The following KDM6B variants were observed in gnomAD, a reference collection of about 807,000 sequenced individuals.
KDM6B encodes lysine-specific demethylase 6B.
In KDM6B, 22 loss-of-function variants were observed where a neutral mutation model predicts 150.4. That is an observed-to-expected ratio of 0.15 (90% CI 0.10 to 0.21). KDM6B has a LOEUF of 0.21. Among genes scored for constraint, KDM6B ranks in the 10% least tolerant of loss-of-function variants. KDM6B has a pLI of 1.00. For missense variants in KDM6B, 1,984 were observed against 2,234.3 expected (o/e 0.89, Z 2.26); for synonymous variants, 1,148 against 921.1 (o/e 1.25, Z -4.46).
rs1379194696 is a variant in KDM6B at position 7,851,157 on chromosome 17, C to T, written c.3810C>T (p.Ser1270=). 4 of 1,613,822 alleles carry T rather than the reference C, an allele frequency of 2.5e-6. No homozygotes were observed. The highest frequency in any genetic ancestry group is 2.2e-5 in the East Asian group (1 of 44,902). The change falls in exon 15 of 24, where the codon AGC becomes AGT. Residue 1270 remains serine (S), a synonymous_variant. Transcript: ENST00000448097. ...CTCGGCAGATCTGGCCTTGTGAGAG[C>T]TCCCGTTCCCACACCACCATTGCCA... ...TGTRQIWPCE[S]SRSHTTIAKY...
chr17:7,836,641 A>AGAC (rs2078337429), intron 1 of KDM6B, among the ~76,000 whole-genome samples: 1 of 152,236 alleles, frequency 6.6e-6, no homozygotes, highest in Non-Finnish European at 1.5e-5. Flanking sequence ...TTGGGAGGTC[A>AGAC]GGGCTGCAGG....
In KDM6B at chr17:7,852,511, G is replaced by A. The variant is rs1388169628; in HGVS notation, c.4485G>A (p.Leu1495=). 6.2e-7 allele frequency: 1 copy of A among 1,613,240 alleles called. No homozygotes were observed. The highest frequency in any genetic ancestry group is 1.1e-5 in the South Asian group (1 of 91,022). Residue 1495 remains leucine, a synonymous_variant, in exon 21 of 24, where the codon CTG becomes CTA. Transcript: ENST00000448097. ...GGCCCGCAGCCTATCAGTACCAGCT[G>A]GCCCTGGAACGATACGAGTGGAATG... The part of the protein sequence containing the change: ...VGPLTAYQYQ[L]ALERYEWNEV...
In KDM6B at chr17:7,845,670, G is replaced by C. The variant is rs544737445; in HGVS notation, c.116G>C (p.Ser39Thr). 66 of 1,614,120 alleles carry C rather than the reference G, an allele frequency of 4.1e-5. No homozygotes were observed. The South Asian group carries it at 6.9e-4, about 17-fold the overall frequency. ...SSCPPHPPPR[S>T]AWLPGGRCSA... ...TGCCCGCCTCATCCCCCTCCTCGTA[G>C]CGCATGGCTGCCTGGAGGCAGGTGA... Residue 39 changes from serine to threonine, a missense_variant, in exon 5 of 24, where the codon AGC becomes ACC. By Grantham distance (58) the Ser-to-Thr change is moderately conservative. Around this residue, in one of 13 missense-constraint regions of KDM6B, gnomAD observed 337 missense variants for 323.9 expected, o/e 1.04. Transcript: ENST00000448097.
rs1431195199 is a variant in KDM6B, at chr17:7,849,155, C to T, written c.2867C>T (p.Ala956Val). The change falls in exon 12 of 24, where the codon GCA (alanine) becomes GTA (valine). Residue 956 changes from alanine (A) to valine (V), a missense_variant. Ala to Val is a moderately conservative substitution (Grantham distance 64). Coordinates refer to ENST00000448097, the MANE Select transcript of KDM6B (RefSeq NM_001348716.2). The stretch of plus-strand genomic sequence containing the variant: ...GGGACTGAGCGACTGCTGCCCCCCG[C>T]ACAGGCCAAGGAGGAGGCTGGCGGG... ...DSGTERLLPP[A>V]QAKEEAGGVA... 1.9e-6 allele frequency: 3 copies of T among 1,611,582 alleles called. No individual in the cohort carries two copies. The highest frequency in any genetic ancestry group is 1.7e-5 in the Admixed American group (1 of 59,916).
At chr17:7,846,051 C>A (rs1168578973) in intron 6 of KDM6B, 27 bp from the exon 7 acceptor site, 2 of 1,360,000 alleles carry the variant, frequency 1.5e-6, no homozygotes, top group Non-Finnish European at 2.1e-6. Flanking sequence ...AACCCCCACC[C>A]ACACCCCCAC....
rs534448494 is a variant in KDM6B at position 7,852,991 on chromosome 17, G to T, written c.4611-9G>T. ...CCGGTGGTCTCAACACAACCCCACT[G>T]CTCCCCAGGTTCTGCCTGCTGCAGT... On this transcript the variant is annotated splice_polypyrimidine_tract_variant and intron_variant, in intron 21 of 23. Transcript: ENST00000448097. 2 of 1,613,674 alleles carry T rather than the reference G, an allele frequency of 1.2e-6. No individual in the cohort carries two copies. The highest frequency in any genetic ancestry group is 3.3e-5 in the Admixed American group (2 of 60,018).
chr17:7,845,672 G>A lies in KDM6B; in HGVS notation c.118G>A (p.Ala40Thr), dbSNP rs866351379. ...CCCGCCTCATCCCCCTCCTCGTAGC[G>A]CATGGCTGCCTGGAGGCAGGTGAGA... The part of the protein sequence containing the change: ...SCPPHPPPRS[A>T]WLPGGRCSAS... Residue 40 changes from alanine (A) to threonine (T), a missense_variant, in exon 5 of 24, where the codon GCA becomes ACA. Ala to Thr is a moderately conservative substitution (Grantham distance 58). This residue lies in a region of KDM6B where 337 missense variants were observed against 323.9 expected (regional missense o/e 1.04). Coordinates refer to ENST00000448097, the MANE Select transcript of KDM6B (RefSeq NM_001348716.2). 3.7e-6 allele frequency: 6 copies of A among 1,614,098 alleles called. No individual in the cohort carries two copies. Among genetic ancestry groups the A allele is most frequent in the Middle Eastern group, 1.6e-4 (1 of 6,062 alleles).
intron 9 of KDM6B, 21 bp downstream of exon 9, chr17:7,846,761 G>A: frequency 1.2e-6 from 2 of 1,613,984 alleles, no homozygotes; most frequent in Non-Finnish European, 1.7e-6. Flanking sequence ...AGGGGGGCCA[G>A]CAGGCAGTAA....
At position 7,848,139 on chromosome 17, in the gene KDM6B, T is replaced by C. The variant is rs546734185; in HGVS notation, c.1851T>C (p.Asn617=). 2.0e-5 allele frequency: 32 copies of C among 1,612,240 alleles called. No homozygotes were observed. In the South Asian group the frequency reaches 2.1e-4, roughly 11 times the overall value. Residue 617 remains asparagine, a synonymous_variant, in exon 12 of 24, where the codon AAT becomes AAC. Transcript: ENST00000448097. ...CCCCTCCTTCCTCCTGCCACCAAAATACCTCAGGAAGCTTCAGGCGCCCGG... is the reference window on the plus strand; with the variant it reads ...CCCCTCCTTCCTCCTGCCACCAAAACACCTCAGGAAGCTTCAGGCGCCCGG... ...PPAPPSSCHQ[N]TSGSFRRPES... is the part of the protein sequence containing the mutation.
In KDM6B at chr17:7,852,132, C is replaced by T. The variant is rs2078710428; in HGVS notation, c.4281-17C>T. The T allele has an allele frequency of 6.2e-7, 1 of 1,614,038 alleles. No individual in the cohort carries two copies. Among genetic ancestry groups the T allele is most frequent in the South Asian group, 1.1e-5 (1 of 91,090 alleles). Reference sequence around the variant, plus strand: ...CCTCGGTCCCCAGTTCCCACCTGACCTGTGGCCACCCCGCAGGCACGGCGT... The same window carrying T: ...CCTCGGTCCCCAGTTCCCACCTGACTTGTGGCCACCCCGCAGGCACGGCGT... On this transcript the variant is annotated splice_polypyrimidine_tract_variant and intron_variant, in intron 19 of 23. Transcript: ENST00000448097.
At position 7,845,551 on chromosome 17, in the gene KDM6B, C is replaced by T; in HGVS notation, c.-4C>T. 1 of 1,614,126 alleles carries T rather than the reference C, an allele frequency of 6.2e-7. No homozygotes were observed. Among genetic ancestry groups the T allele is most frequent in the Non-Finnish European group, 8.5e-7 (1 of 1,180,016 alleles). On this transcript the variant is annotated splice_region_variant and 5_prime_UTR_variant, in exon 5 of 24. Transcript: ENST00000448097. Reference sequence around the variant, plus strand: ...CATAATTTCTTATCCCCAACTCAGGCTGGATGCATCGGGCAGTGGACCCTC... The same window carrying T: ...CATAATTTCTTATCCCCAACTCAGGTTGGATGCATCGGGCAGTGGACCCTC...
intron 21 of KDM6B, 77 bp from the exon 22 acceptor site, chr17:7,852,923 C>T (rs1048271351): frequency 1.3e-6 from 2 of 1,598,806 alleles, no homozygotes; most frequent in Admixed American, 3.3e-5. Flanking sequence ...GGGCTGCCCA[C>T]CCCTCTGCCC....
chr17:7,837,336 G>A (rs2078347996), intron 1 of KDM6B, among the ~76,000 whole-genome samples: 1 of 152,060 alleles, frequency 6.6e-6, no homozygotes, highest in South Asian at 2.1e-4. Context: ...CCCCATAATG[G>A]CACACCCCCA....
rs1038822795 is a variant in KDM6B at position 7,854,265 on chromosome 17, T to C, written c.*744T>C. The stretch of plus-strand genomic sequence containing the variant: ...GCCCGCGGCTCCAGCCGGGTTCTCA[T>C]GGTGCTCAAACCCGCTCCCCTCCCC... On this transcript the variant is annotated 3_prime_UTR_variant, in exon 24 of 24. Transcript: ENST00000448097. The C allele has an allele frequency of 6.6e-6, 1 of 152,560 alleles. No homozygotes were observed. The highest frequency in any genetic ancestry group is 1.5e-5 in the Non-Finnish European group (1 of 68,058). 9.5% of individuals were successfully genotyped at this position (152,560 alleles called of 1,614,324 possible). A position where few individuals can be genotyped will look rare whatever the true frequency, so the allele number is the denominator to read the frequency against.
Position 7,854,275 on chromosome 17 carries a change from A to ACCCGCTCCCCTC in KDM6B, c.*758_*769dup, listed in dbSNP as rs1303785852. 7 of 149,948 alleles carry ACCCGCTCCCCTC rather than the reference A, an allele frequency of 4.7e-5. No homozygotes were observed. The highest frequency in any genetic ancestry group is 1.7e-4 in the African/African-American group (7 of 40,252). The allele number at this position is 149,948 out of a possible 1,614,324, so 9.3% of individuals were successfully genotyped here. A position where few individuals can be genotyped will look rare whatever the true frequency, so the allele number is the denominator to read the frequency against. ...CCAGCCGGGTTCTCATGGTGCTCAAACCCGCTCCCCTCCCCTACGTCCTGC... is the reference window on the plus strand; with the variant it reads ...CCAGCCGGGTTCTCATGGTGCTCAAACCCGCTCCCCTCCCCGCTCCCCTCCCCTACGTCCTGC... On this transcript the variant is annotated 3_prime_UTR_variant, in exon 24 of 24. Coordinates refer to ENST00000448097, the MANE Select transcript of KDM6B (RefSeq NM_001348716.2).
chr17:7,845,652 C>T lies in KDM6B; in HGVS notation c.98C>T (p.Pro33Leu). The T allele has an allele frequency of 6.2e-7, 1 of 1,614,130 alleles. No homozygotes were observed. Residue 33 changes from proline (P) to leucine (L), a missense_variant, in exon 5 of 24, where the codon CCT (proline) becomes CTT (leucine). Pro to Leu is a moderately conservative substitution (Grantham distance 98). This residue lies in a region of KDM6B where 337 missense variants were observed against 323.9 expected (regional missense o/e 1.04). Coordinates refer to ENST00000448097, the MANE Select transcript of KDM6B (RefSeq NM_001348716.2). ...GCTGGGGCCTGGAGCTCCTGCCCGC[C>T]TCATCCCCCTCCTCGTAGCGCATGG... ...SCAGAWSSCP[P>L]HPPPRSAWLP...
At chr17:7,851,290 A>G (rs570013629) in intron 15 of KDM6B, 40 bp from the exon 16 acceptor site, 1 of 1,613,766 alleles carries the variant, frequency 6.2e-7, no homozygotes, top group South Asian at 1.1e-5. Flanking sequence ...GGCTCTCGAA[A>G]GGTCTCTGAC....
rs1486828485 is a variant in KDM6B at position 7,852,057 on chromosome 17, C to T, written c.4272C>T (p.Phe1424=). The change falls in exon 19 of 24, where the codon TTC becomes TTT. Residue 1424 remains phenylalanine (F), a synonymous_variant. Coordinates refer to ENST00000448097, the MANE Select transcript of KDM6B (RefSeq NM_001348716.2). Reference sequence around the variant, plus strand: ...ACTACTGGGAGACCATCAGCGCTTTCTGTGATCGGTGCGTGCCGTCCTGCG... The same window carrying T: ...ACTACTGGGAGACCATCAGCGCTTTTTGTGATCGGTGCGTGCCGTCCTGCG... ...HEHYWETISA[F]CDRHGVDYLT... 6 of 1,613,928 alleles carry T rather than the reference C, an allele frequency of 3.7e-6. No homozygotes were observed. Among genetic ancestry groups the T allele is most frequent in the Middle Eastern group, 1.6e-4 (1 of 6,084 alleles).
intron 2 of KDM6B, chr17:7,840,669 G>C (rs2078400087): frequency 6.6e-6 from 1 of 152,182 alleles, no homozygotes; most frequent in Admixed American, 6.5e-5. Context: ...CTAAGCCAGG[G>C]GCTTAAGTTC....
Sources: allele counts gnomAD v4.1 joint callset (sites outside exome capture counted in the v4.1 genomes callset), GRCh38; gene constraint gnomAD v4.1.1; regional missense constraint gnomAD v4.1.1; transcripts MANE v1.5; gene names NCBI Gene and HGNC (gene_info 2026-07-23, HGNC 2026-07-21).